Variants in PLEKHM1 observed in about 807,000 individuals in gnomAD.
PLEKHM1 encodes pleckstrin homology domain-containing family M member 1.
PLEKHM1 carries 28 observed loss-of-function variants against 94.3 expected under a neutral mutation model. The ratio of observed to expected loss-of-function variants is 0.30; its 90% CI spans 0.22 to 0.41. The LOEUF (loss-of-function observed/expected upper bound fraction) is 0.41, where lower values mean the gene tolerates loss of function less well. Ranked by LOEUF, PLEKHM1 falls within the 10% of genes least tolerant of loss-of-function variation. The pLI, the probability that PLEKHM1 is intolerant of heterozygous loss-of-function variation, is 1.00. For synonymous variants in PLEKHM1, 424 were observed against 581.2 expected, an observed-to-expected ratio of 0.73 and a Z score of 3.89; for missense variants, 907 against 1,358.6, an observed-to-expected ratio of 0.67 and a Z score of 5.22.
At chr17:45,461,692 T>C (rs2051156282) in intron 5 of PLEKHM1, among the ~76,000 whole-genome samples, 1 of 152,182 alleles carries the variant, frequency 6.6e-6, no homozygotes, top group East Asian at 1.9e-4. Flanking sequence ...AGGGTCCTCA[T>C]TGGCCGCCTC....
intron 5 of PLEKHM1, among the ~76,000 whole-genome samples, chr17:45,463,160 G>T (rs1393899451): frequency 6.6e-6 from 1 of 151,884 alleles, no homozygotes; most frequent in Non-Finnish European, 1.5e-5. Context: ...AAGACTACTA[G>T]GAAATGTTCA....
intron 5 of PLEKHM1, among the ~76,000 whole-genome samples, chr17:45,463,108 A>G (rs2051205469): frequency 6.6e-6 from 1 of 151,290 alleles, no homozygotes; most frequent in South Asian, 2.1e-4. Context: ...AAAAAAGTAT[A>G]TGGACATTCA....
In PLEKHM1 at chr17:45,445,247, C is replaced by T. The variant is rs556653602; in HGVS notation, c.2837+223G>A. 6.6e-6 allele frequency among the ~76,000 whole-genome samples: 1 copy of T among 152,188 alleles called. No individual in the cohort carries two copies. Among genetic ancestry groups the T allele is most frequent in the South Asian group, 2.1e-4 (1 of 4,824 alleles). ...GTGGACGCCTTGCCCTGGGCACTGC[C>T]CCTGTGTGTGTGTGCATGTGCACGA... On this transcript the variant is annotated intron_variant, in intron 9 of 11. Coordinates refer to ENST00000430334, the MANE Select transcript of PLEKHM1 (RefSeq NM_014798.3). The surrounding 1 kb of genome is among the most constrained non-coding windows in gnomAD (Gnocchi z 4.2).
chr17:45,440,400 T>C, intron 9 of PLEKHM1, 174 bp from the exon 10 acceptor site: 1 of 684,790 alleles, frequency 1.5e-6, no homozygotes, highest in Non-Finnish European at 2.6e-6. Context: ...GTCTTCAACG[T>C]AACTAACTAG....
In PLEKHM1 at chr17:45,455,593, C is replaced by T. The variant is rs562759357; in HGVS notation, c.1580-1321G>A. On this transcript the variant is annotated intron_variant, in intron 6 of 11. Transcript: ENST00000430334. The stretch of plus-strand genomic sequence containing the variant: ...CATCTCACCAAATAGCAAAATTCAT[C>T]CTTCCAGATGCCTGGGCTAAAAATC... Among the ~76,000 whole-genome samples the T allele has an allele frequency of 3.2e-4, 48 of 152,284 alleles. 2 individuals are homozygous for T. The South Asian group carries it at 9.7e-3, about 31-fold the overall frequency.
chr17:45,438,045 T>C (rs1597905110), intron 11 of PLEKHM1, 76 bp from the exon 12 acceptor site: 1 of 1,097,024 alleles, frequency 9.1e-7, no homozygotes, highest in East Asian at 2.4e-5. Context: ...CCAGCCCTTT[T>C]GACCAGAACC....
chr17:45,454,128 T>C lies in PLEKHM1; in HGVS notation c.1724A>G (p.Glu575Gly), dbSNP rs1452832916. Residue 575 changes from glutamate (E) to glycine (G), a missense_variant, in exon 7 of 12, where the codon GAG (glutamate) becomes GGG (glycine). By Grantham distance (98) the Glu-to-Gly change is moderately conservative (BLOSUM62 -2). Transcript: ENST00000430334. ...CTCACAGCGAAGCAGCGAGCAGTTCTCCACACAGGTGTGCTCCTCGTTGCT... is the reference window on the plus strand; with the variant it reads ...CTCACAGCGAAGCAGCGAGCAGTTCCCCACACAGGTGTGCTCCTCGTTGCT... ...YLSNEEHTCVENCSLLRCESV... is the reference protein window; with the variant it reads ...YLSNEEHTCVGNCSLLRCESV... 1 of 1,614,152 alleles carries C rather than the reference T, an allele frequency of 6.2e-7. No individual in the cohort carries two copies. Among genetic ancestry groups the C allele is most frequent in the South Asian group, 1.1e-5 (1 of 91,088 alleles).
chr17:45,437,019 G>A lies in PLEKHM1; in HGVS notation c.*839C>T, dbSNP rs1355520855. 2.2e-6 allele frequency: 1 copy of A among 454,198 alleles called. No individual in the cohort carries two copies. Among genetic ancestry groups the A allele is most frequent in the Admixed American group, 2.3e-5 (1 of 42,554 alleles). The allele number at this position is 454,198 out of a possible 1,614,324, so 28.1% of individuals were successfully genotyped here. ...GAGGAGCGCACGGGGATCGGGGGTG[G>A]GCAAGACGGCGACCCTCCATAAACC... On this transcript the variant is annotated 3_prime_UTR_variant, in exon 12 of 12. Coordinates refer to ENST00000430334, the MANE Select transcript of PLEKHM1 (RefSeq NM_014798.3). This position sits in a 1 kb window ranked among gnomAD's most constrained non-coding sequence, Gnocchi z 4.0.
At position 45,440,429 on chromosome 17, in the gene PLEKHM1, C is replaced by T. The variant is rs1319932788; in HGVS notation, c.2838-203G>A. ...TAACTAGCTGGTGGGACCTTGGGCACGTTACTTAACCTCTCTGAACCTTGG... is the reference window on the plus strand; with the variant it reads ...TAACTAGCTGGTGGGACCTTGGGCATGTTACTTAACCTCTCTGAACCTTGG... On this transcript the variant is annotated intron_variant, in intron 9 of 11. Transcript: ENST00000430334. 4.8e-5 allele frequency: 31 copies of T among 648,044 alleles called. No individual in the cohort carries two copies. The East Asian group carries it at 7.3e-4, about 15-fold the overall frequency. 40.1% of individuals were successfully genotyped at this position (648,044 alleles called of 1,614,324 possible).
At chr17:45,473,001 C>T (rs2051566666) in intron 4 of PLEKHM1, among the ~76,000 whole-genome samples, 1 of 152,118 alleles carries the variant, frequency 6.6e-6, no homozygotes, top group South Asian at 2.1e-4. Context: ...TTCCACCTAT[C>T]AGATGAGCAA....
At position 45,453,328 on chromosome 17, in the gene PLEKHM1, G is replaced by A. The variant is rs898827416; in HGVS notation, c.2497+27C>T. On this transcript the variant is annotated intron_variant, in intron 7 of 11. Coordinates refer to ENST00000430334, the MANE Select transcript of PLEKHM1 (RefSeq NM_014798.3). This position sits in a 1 kb window ranked among gnomAD's most constrained non-coding sequence, Gnocchi z 4.1. ...GGAGGTGGAGTGAGGCTGGCAGGCT[G>A]GGGGTGGCAGCAGAGCAAATCGGCA... The A allele has an allele frequency of 1.2e-6, 2 of 1,604,990 alleles. No individual in the cohort carries two copies. Among genetic ancestry groups the A allele is most frequent in the African/African-American group, 1.3e-5 (1 of 74,584 alleles).
At chr17:45,472,240 AG>A (rs1275336211) in intron 4 of PLEKHM1, among the ~76,000 whole-genome samples, 3 of 149,986 alleles carry the variant, frequency 2.0e-5, no homozygotes, top group Non-Finnish European at 4.4e-5. Flanking sequence ...ACTAACTTCA[AG>A]GCCCAGCTCT....
downstream of PLEKHM1, among the ~76,000 whole-genome samples, chr17:45,434,740 G>A (rs902611971): frequency 2.0e-5 from 3 of 152,074 alleles, no homozygotes; most frequent in Non-Finnish European, 2.9e-5. Flanking sequence ...CCACCATGCC[G>A]GGGTACATCA....
At chr17:45,477,357 C>G (rs1346565574) in intron 3 of PLEKHM1, 1 of 183,880 alleles carries the variant, frequency 5.4e-6, no homozygotes, top group Non-Finnish European at 1.2e-5. Flanking sequence ...TTGCTTGAAC[C>G]TGGGAAGCAG....
In PLEKHM1 at chr17:45,469,089, G is replaced by C. The variant is rs553268947; in HGVS notation, c.924-496C>G. Among the ~76,000 whole-genome samples, 5 of 151,582 alleles carry C rather than the reference G, an allele frequency of 3.3e-5. No individual in the cohort carries two copies. The South Asian group carries it at 1.0e-3, about 32-fold the overall frequency. Reference sequence around the variant, plus strand: ...GGTTTCCTAAGCAAGGTCATACTTTGTTCCTGTGCAGGCACTGGGACAGCA... The same window carrying C: ...GGTTTCCTAAGCAAGGTCATACTTTCTTCCTGTGCAGGCACTGGGACAGCA... On this transcript the variant is annotated intron_variant, in intron 4 of 11. Coordinates refer to ENST00000430334, the MANE Select transcript of PLEKHM1 (RefSeq NM_014798.3).
chr17:45,475,422 G>A lies in PLEKHM1; in HGVS notation c.601C>T (p.Leu201Phe), dbSNP rs375872306. The change falls in exon 4 of 12, where the codon CTT (leucine) becomes TTT (phenylalanine). Residue 201 changes from leucine (L) to phenylalanine (F), a missense_variant. By Grantham distance (22) the Leu-to-Phe change is conservative. Transcript: ENST00000430334. ...TPLALSGLCPLSELDPLSTSG... is the reference protein window; with the variant it reads ...TPLALSGLCPFSELDPLSTSG... ...GTAGAGAGAGGGTCCAGCTCAGAAA[G>A]CGGGCAAAGCCCAGACAGGGCCAAT... 10 of 1,612,520 alleles carry A rather than the reference G, an allele frequency of 6.2e-6. No individual in the cohort carries two copies. The highest frequency in any genetic ancestry group is 8.5e-6 in the Non-Finnish European group (10 of 1,178,576).
rs576553782 is a variant in PLEKHM1, at chr17:45,437,372, T to A, written c.*486A>T. The A allele has an allele frequency of 2.2e-6, 1 of 454,248 alleles. No individual in the cohort carries two copies. Among genetic ancestry groups the A allele is most frequent in the Non-Finnish European group, 4.4e-6 (1 of 226,884 alleles). The allele number at this position is 454,248 out of a possible 1,614,324, so 28.1% of individuals were successfully genotyped here. On this transcript the variant is annotated 3_prime_UTR_variant, in exon 12 of 12. Coordinates refer to ENST00000430334, the MANE Select transcript of PLEKHM1 (RefSeq NM_014798.3). The surrounding 1 kb of genome is among the most constrained non-coding windows in gnomAD (Gnocchi z 4.0). Reference sequence around the variant, plus strand: ...GCCAGGCCTGAGTGGCTCCTGTGCATCCGCTGGGGGTGAGAATGTCTGGAT... The same window carrying A: ...GCCAGGCCTGAGTGGCTCCTGTGCAACCGCTGGGGGTGAGAATGTCTGGAT...
chr17:45,486,240 A>AAAAAAAAATAATAAT (rs1555588810), intron 1 of PLEKHM1, among the ~76,000 whole-genome samples: 1 of 142,862 alleles, frequency 7.0e-6, no homozygotes, highest in African/African-American at 2.5e-5. Flanking sequence ...TAAAATAAAA[A>AAAAAAAAATAATAAT]AATAATAATA....
intron 3 of PLEKHM1, among the ~76,000 whole-genome samples, chr17:45,476,443 C>T (rs2051740014): frequency 3.3e-5 from 5 of 151,834 alleles, no homozygotes; most frequent in Admixed American, 1.3e-4. Context: ...GATTGGGGAG[C>T]GCTCCAATTA....
Sources: gnomAD v4.1 joint callset for allele counts (sites outside exome capture counted in the v4.1 genomes callset) on GRCh38, gnomAD v4.1.1 for gene constraint, Gnocchi (gnomAD v3.1) non-coding constraint, MANE v1.5 for transcripts, NCBI Gene and HGNC (gene_info 2026-07-23, HGNC 2026-07-21) for gene names.